The following GRIN2B variants were observed in gnomAD, a reference collection of about 807,000 sequenced individuals.
The protein encoded by GRIN2B is glutamate receptor ionotropic, NMDA 2B.
A neutral mutation model predicts 114.5 loss-of-function variants in GRIN2B; 5 were observed. That is an observed-to-expected ratio of 0.04 (90% CI 0.02 to 0.09). GRIN2B has a LOEUF of 0.09. Among genes scored for constraint, GRIN2B ranks in the 10% least tolerant of loss-of-function variants. GRIN2B has a pLI of 1.00. For missense variants in GRIN2B, 1,108 were observed against 1,943.5 expected (o/e 0.57, Z 8.08); for synonymous variants, 787 against 745.1 (o/e 1.06, Z -0.92).
chr12:13,717,066 CGTGTGTGTGTGTGTGT>C (rs56360153), intron 4 of GRIN2B, among the ~76,000 whole-genome samples: 4,145 of 146,022 alleles, frequency 0.028, 188 homozygotes, highest in African/African-American at 0.098. Flanking sequence ...ATGCCATACG[CGTGTGTGTGTGTGTGT>C]GTGTGTGTGT....
intron 2 of GRIN2B, among the ~76,000 whole-genome samples, chr12:13,913,554 A>G (rs140782070): frequency 6.6e-5 from 10 of 152,256 alleles, no homozygotes; most frequent in African/African-American, 2.2e-4. Context: ...ACCTCTGAAA[A>G]TTGAATAGTT....
At chr12:13,682,600 A>C (rs4764027) in intron 4 of GRIN2B, among the ~76,000 whole-genome samples, 73,954 of 151,978 alleles carry the variant, frequency 0.49, 18,367 homozygotes, top group Middle Eastern at 0.58. Flanking sequence ...AGTGGTGTTA[A>C]GTTAATGAGA....
intron 5 of GRIN2B, among the ~76,000 whole-genome samples, chr12:13,672,468 C>T (rs902263395): frequency 5.3e-5 from 8 of 152,132 alleles, no homozygotes; most frequent in Non-Finnish European, 1.0e-4. Flanking sequence ...CAGCATTAGG[C>T]GTCTTGAGGA....
intron 2 of GRIN2B, among the ~76,000 whole-genome samples, chr12:13,898,022 AAAT>A (rs1866381311): frequency 1.3e-5 from 2 of 150,854 alleles, no homozygotes; most frequent in Middle Eastern, 3.2e-3. Flanking sequence ...ATAAATAAAT[AAAT>A]AAAAAAGAAA....
At chr12:13,577,961 T>C (rs1411339484) in intron 10 of GRIN2B, among the ~76,000 whole-genome samples, 2 of 152,230 alleles carry the variant, frequency 1.3e-5, no homozygotes, top group African/African-American at 4.8e-5. Flanking sequence ...TTGGTGTTTA[T>C]TGTGTACAGA....
chr12:13,605,187 C>A (rs186281191), intron 10 of GRIN2B, among the ~76,000 whole-genome samples: 5 of 151,498 alleles, frequency 3.3e-5, no homozygotes, highest in Admixed American at 3.3e-4. Flanking sequence ...TAATAGAATG[C>A]GGAAGATACG....
chr12:13,650,510 A>G (rs1591658885), intron 5 of GRIN2B, among the ~76,000 whole-genome samples: 1 of 152,226 alleles, frequency 6.6e-6, no homozygotes, highest in African/African-American at 2.4e-5. Context: ...CTTACCCATG[A>G]AATCTTAAAA....
In GRIN2B at chr12:13,892,503, G is replaced by A. The variant is rs374961794; in HGVS notation, c.-18-26277C>T. 5.3e-5 allele frequency among the ~76,000 whole-genome samples: 8 copies of A among 152,288 alleles called. No homozygotes were observed. The East Asian group carries it at 1.2e-3, about 22-fold the overall frequency. ...TGAGATTCCCTAAGTGATCCAGGGG[G>A]CCAGTGAGCACCCAAGATTCCTGGA... On this transcript the variant is annotated intron_variant, in intron 2 of 13. Coordinates refer to ENST00000609686, the MANE Select transcript of GRIN2B (RefSeq NM_000834.5).
At chr12:13,884,987 T>C (rs1866131519) in intron 2 of GRIN2B, among the ~76,000 whole-genome samples, 1 of 151,806 alleles carries the variant, frequency 6.6e-6, no homozygotes, top group South Asian at 2.1e-4. Context: ...AGAGATTGAG[T>C]GAAGGATCAC....
rs528334023 is a variant in GRIN2B, at chr12:13,548,155, T to A, written c.*14628A>T. 47 of 151,546 alleles carry A rather than the reference T, an allele frequency of 3.1e-4. No individual in the cohort carries two copies. Among genetic ancestry groups the A allele is most frequent in the African/African-American group, 1.0e-3 (43 of 41,348 alleles). 9.4% of individuals were successfully genotyped at this position (151,546 alleles called of 1,614,324 possible). A position where few individuals can be genotyped will look rare whatever the true frequency, so the allele number is the denominator to read the frequency against. On this transcript the variant is annotated 3_prime_UTR_variant, in exon 14 of 14. Coordinates refer to ENST00000609686, the MANE Select transcript of GRIN2B (RefSeq NM_000834.5). ...GTTTAAGTTCATGTGGATCTTGCTG[T>A]TCCGGAGCAAGCTCTGGGCTCTAAA...
chr12:13,575,673 C>CAACAATAATAATAATAATAAT (rs113820666), intron 10 of GRIN2B, among the ~76,000 whole-genome samples: 3 of 147,640 alleles, frequency 2.0e-5, no homozygotes, highest in African/African-American at 7.6e-5. Flanking sequence ...ATGATAACAA[C>CAACAATAATAATAATAATAAT]AATAATAATA....
chr12:13,842,336 A>G (rs1865392772), intron 3 of GRIN2B, among the ~76,000 whole-genome samples: 2 of 152,160 alleles, frequency 1.3e-5, no homozygotes. Flanking sequence ...GATATGCATT[A>G]TTTTTCTTAG....
chr12:13,795,388 G>A (rs991141946), intron 3 of GRIN2B, among the ~76,000 whole-genome samples: 12 of 147,656 alleles, frequency 8.1e-5, no homozygotes, highest in African/African-American at 2.7e-4. Flanking sequence ...AAAAAAAAAC[G>A]TTTTACAATT....
intron 8 of GRIN2B, among the ~76,000 whole-genome samples, chr12:13,612,086 G>A (rs1949372743): frequency 1.3e-5 from 2 of 152,206 alleles, no homozygotes; most frequent in South Asian, 4.1e-4. Flanking sequence ...CTCTTAGGTT[G>A]TAGAGGCAGC....
intron 3 of GRIN2B, among the ~76,000 whole-genome samples, chr12:13,862,716 T>C (rs1865769840): frequency 6.6e-6 from 1 of 152,198 alleles, no homozygotes. Context: ...AGGTGTTTTA[T>C]CTTTGAAATT....
At chr12:13,907,589 G>C (rs1216183975) in intron 2 of GRIN2B, among the ~76,000 whole-genome samples, 1 of 151,982 alleles carries the variant, frequency 6.6e-6, no homozygotes, top group African/African-American at 2.4e-5. Context: ...ATCTCAGGTT[G>C]ACAGAAGTCT....
intron 4 of GRIN2B, among the ~76,000 whole-genome samples, chr12:13,703,324 T>C (rs1275958705): frequency 2.0e-5 from 3 of 152,218 alleles, no homozygotes; most frequent in Non-Finnish European, 4.4e-5. Context: ...ATATTTGTGT[T>C]ATTCCTGAAA....
chr12:13,950,931 G>A (rs1205917525), intron 2 of GRIN2B, among the ~76,000 whole-genome samples: 2 of 152,138 alleles, frequency 1.3e-5, no homozygotes, highest in African/African-American at 4.8e-5. Flanking sequence ...AAAAAGCTAA[G>A]TTTGACCAGG....
At chr12:13,694,693 AT>A (rs1565503136) in intron 4 of GRIN2B, among the ~76,000 whole-genome samples, 22 of 120,442 alleles carry the variant, frequency 1.8e-4, no homozygotes, top group Middle Eastern at 4.3e-3. Context: ...ATATATATAT[AT>A]ATATATATAA....
Sources: allele counts gnomAD v4.1 joint callset (sites outside exome capture counted in the v4.1 genomes callset), GRCh38; gene constraint gnomAD v4.1.1; transcripts MANE v1.5; gene names NCBI Gene and HGNC (gene_info 2026-07-23, HGNC 2026-07-21).